The following CARMIL1 variants were observed in gnomAD, a reference collection of about 807,000 sequenced individuals.
CARMIL1 encodes the protein capping protein regulator and myosin 1 linker 1.
CARMIL1 carries 90 observed loss-of-function variants against 177.1 expected under a neutral mutation model. That is an observed-to-expected ratio of 0.51 (90% CI 0.43 to 0.61). The LOEUF (loss-of-function observed/expected upper bound fraction) is 0.61. Ranked by LOEUF, CARMIL1 falls within the 20% of genes least tolerant of loss-of-function variation. The pLI is 0.00. For synonymous variants in CARMIL1, 577 were observed against 606.2 expected, an observed-to-expected ratio of 0.95 and a Z score of 0.71; for missense variants, 1,380 against 1,667.0, an observed-to-expected ratio of 0.83 and a Z score of 3.00.
chr6:25,433,604 A>G (rs1796992995), intron 4 of CARMIL1, among the ~76,000 whole-genome samples: 1 of 152,226 alleles, frequency 6.6e-6, no homozygotes. Context: ...CTCTTGAACC[A>G]GCTTTTAGAA....
At chr6:25,450,608 G>A (rs1798689846) in intron 7 of CARMIL1, 30 bp from the exon 8 acceptor site, 1 of 1,340,726 alleles carries the variant, frequency 7.5e-7, no homozygotes, top group Non-Finnish European at 1.1e-6. Flanking sequence ...TGCATGGACT[G>A]ATGACATGAC....
intron 34 of CARMIL1, 93 bp downstream of exon 34, chr6:25,604,986 G>A: frequency 1.0e-6 from 1 of 1,004,186 alleles, no homozygotes. Flanking sequence ...TTTAAACAGG[G>A]AGGCAAGAAC....
chr6:25,557,155 T>C (rs138648814), intron 29 of CARMIL1, among the ~76,000 whole-genome samples: 1 of 152,252 alleles, frequency 6.6e-6, no homozygotes, highest in African/African-American at 2.4e-5. Context: ...AAATAAGCCA[T>C]TAAAAATGTG....
At chr6:25,408,230 G>A (rs1340449706) in intron 2 of CARMIL1, among the ~76,000 whole-genome samples, 1 of 149,844 alleles carries the variant, frequency 6.7e-6, no homozygotes, top group African/African-American at 2.5e-5. Flanking sequence ...CAAGGCTGCA[G>A]TGAGCCGAGA....
At chr6:25,540,181 G>A in intron 26 of CARMIL1, 103 bp downstream of exon 26, 1 of 1,084,530 alleles carries the variant, frequency 9.2e-7, no homozygotes, top group Non-Finnish European at 1.2e-6. Flanking sequence ...TTGTATGTGT[G>A]CATGCTGCAA....
chr6:25,514,397 A>C (rs1231365426), intron 20 of CARMIL1, among the ~76,000 whole-genome samples: 2 of 152,060 alleles, frequency 1.3e-5, no homozygotes, highest in East Asian at 3.9e-4. Flanking sequence ...AAATACAAAA[A>C]TTAGCCAGGC....
intron 32 of CARMIL1, among the ~76,000 whole-genome samples, chr6:25,595,554 C>G (rs1169645732): frequency 6.6e-6 from 1 of 152,134 alleles, no homozygotes; most frequent in African/African-American, 2.4e-5. Context: ...TTTCAAGAAC[C>G]AACCTAAATG....
intron 27 of CARMIL1, 24 bp downstream of exon 27, chr6:25,551,109 C>T (rs764083356): frequency 1.9e-6 from 3 of 1,586,956 alleles, no homozygotes; most frequent in Non-Finnish European, 2.6e-6. Flanking sequence ...GTTAATAAAC[C>T]TAGGAGCTGC....
intron 2 of CARMIL1, among the ~76,000 whole-genome samples, chr6:25,391,109 A>G (rs1381946095): frequency 6.6e-6 from 1 of 152,230 alleles, no homozygotes; most frequent in Admixed American, 6.5e-5. Context: ...TTTCCTTCAT[A>G]AGAGATAGTT....
At chr6:25,490,055 C>T (rs371600380) in intron 13 of CARMIL1, among the ~76,000 whole-genome samples, 5 of 152,114 alleles carry the variant, frequency 3.3e-5, no homozygotes, top group East Asian at 3.9e-4. Flanking sequence ...TTGTAGCTTG[C>T]TTCTGGGGAG....
At chr6:25,343,242 A>G (rs1232928860) in intron 2 of CARMIL1, among the ~76,000 whole-genome samples, 1 of 151,980 alleles carries the variant, frequency 6.6e-6, no homozygotes, top group Non-Finnish European at 1.5e-5. Context: ...GGGATTAGAG[A>G]GGATTTAAAT....
At chr6:25,592,709 A>C (rs988840533) in intron 31 of CARMIL1, among the ~76,000 whole-genome samples, 2 of 152,208 alleles carry the variant, frequency 1.3e-5, no homozygotes, top group Non-Finnish European at 2.9e-5. Context: ...CAATTTCCAT[A>C]CAGACATAAG....
At position 25,288,994 on chromosome 6, in the gene CARMIL1, A is replaced by G. The variant is rs184737254; in HGVS notation, c.138+4085A>G. Among the ~76,000 whole-genome samples the G allele has an allele frequency of 5.3e-5, 8 of 152,346 alleles. No homozygotes were observed. The East Asian group carries it at 5.8e-4, about 11-fold the overall frequency. On this transcript the variant is annotated intron_variant, in intron 2 of 36. Coordinates refer to ENST00000329474, the MANE Select transcript of CARMIL1 (RefSeq NM_017640.6). ...TAAATTTCTAAGAATTGGATAAAGT[A>G]TGCTGTTTTTTCCAAACTTATTTAG...
chr6:25,450,219 C>G, intron 6 of CARMIL1, 120 bp from the exon 7 acceptor site: 2 of 780,344 alleles, frequency 2.6e-6, no homozygotes, highest in Non-Finnish European at 2.2e-6. Context: ...TTGCTGTTTT[C>G]CCCCCTAAAA....
At chr6:25,587,232 G>T (rs1303391933) in intron 31 of CARMIL1, among the ~76,000 whole-genome samples, 2 of 152,012 alleles carry the variant, frequency 1.3e-5, no homozygotes, top group African/African-American at 4.8e-5. Flanking sequence ...ACAAGAGCTA[G>T]AATGTTTCTT....
Position 25,482,221 on chromosome 6 carries a change from C to G in CARMIL1, c.875-36C>G, listed in dbSNP as rs369903324. The G allele has an allele frequency of 6.7e-5, 73 of 1,088,186 alleles. No homozygotes were observed. In the African/African-American group the frequency reaches 7.5e-4, roughly 11 times the overall value. The allele number at this position is 1,088,186 out of a possible 1,614,324, so 67.4% of individuals were successfully genotyped here. ...ATTGTAAAAAATGCAATTCTGAGAA[C>G]TTGAAAATTCTAATCGCTTCTTTTT... is the stretch of plus-strand genomic sequence containing the variant. On this transcript the variant is annotated intron_variant, in intron 11 of 36. Transcript: ENST00000329474.
chr6:25,457,007 G>C (rs1310635809), intron 8 of CARMIL1, among the ~76,000 whole-genome samples: 1 of 147,344 alleles, frequency 6.8e-6, no homozygotes, highest in East Asian at 2.0e-4. Flanking sequence ...TTAATTCCTG[G>C]TCTCATTTAT....
In CARMIL1 at chr6:25,384,485, A is replaced by T. The variant is rs1296419727; in HGVS notation, c.139-35629A>T. On this transcript the variant is annotated intron_variant, in intron 2 of 36. Coordinates refer to ENST00000329474, the MANE Select transcript of CARMIL1 (RefSeq NM_017640.6). Reference sequence around the variant, plus strand: ...CATTTGCTTTTTCTTCTACCACAAGAGTGGCCTTGGACTCGTGTGTCCGTT... The same window carrying T: ...CATTTGCTTTTTCTTCTACCACAAGTGTGGCCTTGGACTCGTGTGTCCGTT... Among the ~76,000 whole-genome samples the T allele has an allele frequency of 3.3e-5, 5 of 152,212 alleles. No individual in the cohort carries two copies. In the South Asian group the frequency reaches 1.0e-3, roughly 32 times the overall value.
intron 2 of CARMIL1, among the ~76,000 whole-genome samples, chr6:25,303,921 T>C (rs868709775): frequency 2.6e-5 from 4 of 152,232 alleles, no homozygotes; most frequent in Non-Finnish European, 4.4e-5. Flanking sequence ...AACTTCATCA[T>C]TGGGTTTGAC....
Sources: allele counts gnomAD v4.1 joint callset (sites outside exome capture counted in the v4.1 genomes callset), GRCh38; gene constraint gnomAD v4.1.1; transcripts MANE v1.5; gene names NCBI Gene and HGNC (gene_info 2026-07-23, HGNC 2026-07-21).